Variants in ESCO1 observed in about 807,000 individuals in gnomAD.
The protein encoded by ESCO1 is N-acetyltransferase ESCO1.
ESCO1 carries 33 observed loss-of-function variants against 83.5 expected under a neutral mutation model. That is an observed-to-expected ratio of 0.40 (90% confidence interval 0.30 to 0.53). The LOEUF (loss-of-function observed/expected upper bound fraction) is 0.53, where lower values mean the gene tolerates loss of function less well. Ranked by LOEUF, ESCO1 falls within the 20% of genes least tolerant of loss-of-function variation. The probability of loss-of-function intolerance (pLI) is 0.63; values close to 1 mark genes in which losing one functional copy is unlikely to be tolerated. For missense variants in ESCO1, 855 were observed against 968.0 expected, an observed-to-expected ratio of 0.88 and a Z score of 1.55; for synonymous variants, 332 against 324.3, an observed-to-expected ratio of 1.02 and a Z score of -0.25.
Position 21,530,129 on chromosome 18 carries a change from A to C in ESCO1, c.*214T>G. 2.6e-6 allele frequency: 1 copy of C among 386,804 alleles called. No homozygotes were observed. The highest frequency in any genetic ancestry group is 4.6e-6 in the Non-Finnish European group (1 of 218,488). The allele number at this position is 386,804 out of a possible 1,614,324, so 24.0% of individuals were successfully genotyped here. ...CTATAGATAAAATACATCAATCATA[A>C]ATTTCTGTAAAAGATAATAAAATAT... On this transcript the variant is annotated 3_prime_UTR_variant, in exon 12 of 12. Transcript: ENST00000269214.
In ESCO1 at chr18:21,559,156, A is replaced by C. The variant is rs552228048; in HGVS notation, c.1953+1703T>G. Among the ~76,000 whole-genome samples the C allele has an allele frequency of 9.2e-5, 14 of 152,324 alleles. No homozygotes were observed. The East Asian group carries it at 2.5e-3, about 27-fold the overall frequency. On this transcript the variant is annotated intron_variant, in intron 8 of 11. Coordinates refer to ENST00000269214, the MANE Select transcript of ESCO1 (RefSeq NM_052911.3). ...TAGACTCTGTGTATACCTACATTTG[A>C]AAACAGCAAAAGATAAGAATGTCGA...
At chr18:21,552,978 T>G (rs1057073832) in intron 8 of ESCO1, among the ~76,000 whole-genome samples, 1 of 152,186 alleles carries the variant, frequency 6.6e-6, no homozygotes, top group African/African-American at 2.4e-5. Flanking sequence ...CATTAAAATT[T>G]AAAATGTCTG....
At position 21,571,011 on chromosome 18, in the gene ESCO1, C is replaced by A. The variant is rs527626288; in HGVS notation, c.1530+2303G>T. 7.3e-4 allele frequency among the ~76,000 whole-genome samples: 111 copies of A among 151,852 alleles called. 1 individual carries two copies. Among genetic ancestry groups the A allele is most frequent in the South Asian group, 5.0e-3 (24 of 4,796 alleles). On this transcript the variant is annotated intron_variant, in intron 4 of 11. Transcript: ENST00000269214. ...AAAAGAGTTGCAGTCTTCATCTACA[C>A]CTGTAATGTACCTTTTGTAACTTTA...
At chr18:21,536,872 C>T (rs1440474986) in intron 9 of ESCO1, among the ~76,000 whole-genome samples, 9 of 152,096 alleles carry the variant, frequency 5.9e-5, no homozygotes, top group Admixed American at 6.5e-5. Context: ...GTACTCTCAT[C>T]GGTAAAACAA....
At chr18:21,590,689 C>A (rs544235983) in intron 1 of ESCO1, among the ~76,000 whole-genome samples, 2 of 151,914 alleles carry the variant, frequency 1.3e-5, no homozygotes, top group Non-Finnish European at 2.9e-5. Context: ...GAGGCTCATA[C>A]CTGTAATCCC....
rs2038545831 is a variant in ESCO1 at position 21,584,449 on chromosome 18, A to T, written c.-824-9T>A. 6.6e-6 allele frequency: 1 copy of T among 151,928 alleles called. No homozygotes were observed. The highest frequency in any genetic ancestry group is 2.1e-4 in the South Asian group (1 of 4,810). The allele number at this position is 151,928 out of a possible 1,614,324, so 9.4% of individuals were successfully genotyped here. ...CTATAGCCAAAGACAATCTATTGAA[A>T]AAAAAAAATACAAAAATATCACTAT... is the stretch of plus-strand genomic sequence containing the variant. On this transcript the variant is annotated splice_polypyrimidine_tract_variant and intron_variant, in intron 1 of 11. Coordinates refer to ENST00000269214, the MANE Select transcript of ESCO1 (RefSeq NM_052911.3).
chr18:21,570,716 C>A lies in ESCO1; in HGVS notation c.1530+2598G>T, dbSNP rs535692987. Among the ~76,000 whole-genome samples the A allele has an allele frequency of 3.3e-5, 5 of 152,288 alleles. No homozygotes were observed. The South Asian group carries it at 1.0e-3, about 32-fold the overall frequency. On this transcript the variant is annotated intron_variant, in intron 4 of 11. Coordinates refer to ENST00000269214, the MANE Select transcript of ESCO1 (RefSeq NM_052911.3). Reference sequence around the variant, plus strand: ...GTCTTCGGCCAGGCGTGGTGGCTCACACCTGTAATCCCAGCACTTTGGGAG... The same window carrying A: ...GTCTTCGGCCAGGCGTGGTGGCTCAAACCTGTAATCCCAGCACTTTGGGAG...
At chr18:21,569,030 G>C (rs1197678677) in intron 4 of ESCO1, among the ~76,000 whole-genome samples, 2 of 152,066 alleles carry the variant, frequency 1.3e-5, no homozygotes, top group African/African-American at 2.4e-5. Context: ...ATTCCTACTG[G>C]ATAGTGCTGA....
intron 1 of ESCO1, among the ~76,000 whole-genome samples, chr18:21,587,414 T>G (rs898332170): frequency 6.6e-6 from 1 of 152,218 alleles, no homozygotes; most frequent in Non-Finnish European, 1.5e-5. Context: ...GGAGGTATTT[T>G]TATTCAATCT....
chr18:21,540,810 G>C, intron 8 of ESCO1: 4 of 891,118 alleles, frequency 4.5e-6, no homozygotes, highest in Non-Finnish European at 5.6e-6. Context: ...CAGAAGGAAT[G>C]AGCTTAACTA....
At chr18:21,560,812 C>A (rs2038174895) in intron 8 of ESCO1, 47 bp downstream of exon 8, 2 of 1,586,078 alleles carry the variant, frequency 1.3e-6, no homozygotes, top group Non-Finnish European at 1.7e-6. Context: ...AAGAGACCGA[C>A]CTAATTATCT....
intron 5 of ESCO1, 139 bp downstream of exon 5, chr18:21,567,841 A>T (rs1184304685): frequency 3.3e-6 from 2 of 613,298 alleles, no homozygotes; most frequent in East Asian, 5.8e-5. Flanking sequence ...GGTGATAGTC[A>T]TGATAATCAC....
intron 1 of ESCO1, 144 bp downstream of exon 1, chr18:21,600,479 G>A (rs1051262227): frequency 3.9e-5 from 6 of 152,664 alleles, no homozygotes; most frequent in African/African-American, 1.4e-4. Flanking sequence ...GAAGAGCTGG[G>A]ACCGGAGCAG....
intron 1 of ESCO1, among the ~76,000 whole-genome samples, chr18:21,592,634 G>A (rs1407160026): frequency 9.3e-5 from 14 of 150,638 alleles, no homozygotes; most frequent in African/African-American, 4.9e-5. Flanking sequence ...CGGACGGGGC[G>A]GCTGGCCTGG....
At chr18:21,536,244 A>C in intron 9 of ESCO1, 59 bp from the exon 10 acceptor site, 1 of 1,535,880 alleles carries the variant, frequency 6.5e-7, no homozygotes, top group East Asian at 2.4e-5. Flanking sequence ...ATGTAAAAAC[A>C]CACTATTTCA....
At chr18:21,539,741 G>A (rs924384808) in intron 9 of ESCO1, among the ~76,000 whole-genome samples, 179 bp downstream of exon 9, 29 of 152,000 alleles carry the variant, frequency 1.9e-4, no homozygotes, top group Admixed American at 7.2e-4. Context: ...CCACCTACTC[G>A]GGAGGTGGAG....
chr18:21,582,987 T>C (rs2038523793), intron 2 of ESCO1, among the ~76,000 whole-genome samples: 2 of 150,690 alleles, frequency 1.3e-5, no homozygotes, highest in Admixed American at 1.3e-4. Context: ...AGGTCAGGAG[T>C]TCGAGACCAG....
Position 21,564,174 on chromosome 18 carries a change from T to G in ESCO1, c.1821+29A>C, listed in dbSNP as rs553431714. On this transcript the variant is annotated intron_variant, in intron 7 of 11. Coordinates refer to ENST00000269214, the MANE Select transcript of ESCO1 (RefSeq NM_052911.3). ...ATACTAAGATGGTTCTAACAACAATTCACCAAAATGGTCAAGTTGTGTACT... is the reference window on the plus strand; with the variant it reads ...ATACTAAGATGGTTCTAACAACAATGCACCAAAATGGTCAAGTTGTGTACT... 55 of 1,383,074 alleles carry G rather than the reference T, an allele frequency of 4.0e-5. No homozygotes were observed. In the African/African-American group the frequency reaches 6.0e-4, roughly 15 times the overall value. The allele number at this position is 1,383,074 out of a possible 1,614,324, so 85.7% of individuals were successfully genotyped here.
At position 21,568,064 on chromosome 18, in the gene ESCO1, C is replaced by G; in HGVS notation, c.1561G>C (p.Glu521Gln). 1 of 1,613,786 alleles carries G rather than the reference C, an allele frequency of 6.2e-7. No homozygotes were observed. Among genetic ancestry groups the G allele is most frequent in the Non-Finnish European group, 8.5e-7 (1 of 1,179,884 alleles). Residue 521 changes from glutamate to glutamine, a missense_variant, in exon 5 of 12, where the codon GAA becomes CAA. Coordinates refer to ENST00000269214, the MANE Select transcript of ESCO1 (RefSeq NM_052911.3). ...GTAACATTTTCCACTGGACTGTTTT[C>G]TAGCTTGGATTCCAAACATTGGCTG... ...NFSQCLESKL[E>Q]NSPVENVTAA...
Sources: gnomAD v4.1 joint callset for allele counts (sites outside exome capture counted in the v4.1 genomes callset) on GRCh38, gnomAD v4.1.1 for gene constraint, MANE v1.5 for transcripts, NCBI Gene and HGNC (gene_info 2026-07-23, HGNC 2026-07-21) for gene names.